SMAD2: variants seen among roughly 807,000 people sequenced by gnomAD.
SMAD2 encodes the protein MAD homolog 2.
Under a neutral mutation model 64.4 loss-of-function variants are expected in SMAD2, and 8 were observed. The observed-to-expected ratio is 0.12, with a 90% CI of 0.07 to 0.22. SMAD2 has a LOEUF of 0.22. Ranked by LOEUF, SMAD2 falls within the 10% of genes least tolerant of loss-of-function variation. SMAD2 has a pLI of 1.00. For missense variants in SMAD2, 289 were observed against 561.2 expected (o/e 0.51, Z 4.90); for synonymous variants, 203 against 195.8 (o/e 1.04, Z -0.31).
At chr18:47,929,196 T>C (rs142500639) in intron 1 of SMAD2, among the ~76,000 whole-genome samples, 2,032 of 152,314 alleles carry the variant, frequency 0.013, 13 homozygotes, top group African/African-American at 0.023. Flanking sequence ...ATTAAAACTG[T>C]TGAAACTCCA....
chr18:47,923,987 G>A (rs970494556), intron 1 of SMAD2, among the ~76,000 whole-genome samples: 2 of 152,288 alleles, frequency 1.3e-5, no homozygotes, highest in East Asian at 1.9e-4. Context: ...AGTGGCTCAC[G>A]CATGTAATCC....
chr18:47,916,930 T>C (rs184516908), intron 1 of SMAD2, among the ~76,000 whole-genome samples: 1 of 152,348 alleles, frequency 6.6e-6, no homozygotes, highest in East Asian at 1.9e-4. Flanking sequence ...CCTCTATCAG[T>C]CTTGGCACTC....
chr18:47,929,864 C>T (rs554083845), intron 1 of SMAD2, among the ~76,000 whole-genome samples: 1 of 152,274 alleles, frequency 6.6e-6, no homozygotes, highest in South Asian at 2.1e-4. Context: ...TAGGCTCCAC[C>T]CGCAGAACAA....
intron 1 of SMAD2, among the ~76,000 whole-genome samples, chr18:47,900,193 T>C (rs1373244178): frequency 6.6e-6 from 1 of 152,178 alleles, no homozygotes; most frequent in Non-Finnish European, 1.5e-5. Context: ...CAAAATGCCA[T>C]CATTTCAACC....
Position 47,830,218 on chromosome 18 carries a change from A to G in SMAD2, c.*11609T>C, listed in dbSNP as rs904269731. On this transcript the variant is annotated 3_prime_UTR_variant, in exon 11 of 11. Coordinates refer to ENST00000262160, the MANE Select transcript of SMAD2 (RefSeq NM_005901.6). ...ACAGACACTAATAAGTTTTTTTTCAATATAAAAGAGCAACCTAGACATTCC... is the reference window on the plus strand; with the variant it reads ...ACAGACACTAATAAGTTTTTTTTCAGTATAAAAGAGCAACCTAGACATTCC... The G allele has an allele frequency of 6.6e-6, 1 of 152,150 alleles. No homozygotes were observed. The highest frequency in any genetic ancestry group is 1.9e-4 in the East Asian group (1 of 5,196). 9.4% of individuals were successfully genotyped at this position (152,150 alleles called of 1,614,324 possible).
intron 10 of SMAD2, among the ~76,000 whole-genome samples, chr18:47,843,193 A>C (rs1914140546): frequency 6.6e-6 from 1 of 152,226 alleles, no homozygotes; most frequent in South Asian, 2.1e-4. Flanking sequence ...GTGCCAGGAA[A>C]GAAGCATCCC....
In SMAD2 at chr18:47,819,001, A is replaced by G. The variant is rs1189294988; in HGVS notation, c.*22826T>C. The G allele has an allele frequency of 6.6e-6, 1 of 152,262 alleles. No individual in the cohort carries two copies. Among genetic ancestry groups the G allele is most frequent in the African/African-American group, 2.4e-5 (1 of 41,468 alleles). 9.4% of individuals were successfully genotyped at this position (152,262 alleles called of 1,614,324 possible). A position where few individuals can be genotyped will look rare whatever the true frequency, so the allele number is the denominator to read the frequency against. On this transcript the variant is annotated 3_prime_UTR_variant, in exon 11 of 11. Transcript: ENST00000262160. ...TGTATGTTTAGGTGTGTTTACACATATGTATATATATGTTGTATGTTGTGT... is the reference window on the plus strand; with the variant it reads ...TGTATGTTTAGGTGTGTTTACACATGTGTATATATATGTTGTATGTTGTGT...
At position 47,820,197 on chromosome 18, in the gene SMAD2, CTAT is replaced by C. The variant is rs1444274987; in HGVS notation, c.*21627_*21629del. ...ATAGAAAGACTAAATATATTTGGGC[CTAT>C]TAATATACAAAGTTATAAGGAAACA... On this transcript the variant is annotated 3_prime_UTR_variant, in exon 11 of 11. Transcript: ENST00000262160. The C allele has an allele frequency of 6.6e-6, 1 of 151,644 alleles. No homozygotes were observed. The highest frequency in any genetic ancestry group is 6.6e-5 in the Admixed American group (1 of 15,224). The allele number at this position is 151,644 out of a possible 1,614,324, so 9.4% of individuals were successfully genotyped here. A position where few individuals can be genotyped will look rare whatever the true frequency, so the allele number is the denominator to read the frequency against.
intron 3 of SMAD2, among the ~76,000 whole-genome samples, 180 bp downstream of exon 3, chr18:47,870,292 ACAT>A (rs954199449): frequency 6.6e-6 from 1 of 152,206 alleles, no homozygotes; most frequent in African/African-American, 2.4e-5. Flanking sequence ...ATTGATTAAA[ACAT>A]CAGCTGAAAC....
chr18:47,872,379 T>A (rs1265098618), intron 2 of SMAD2, among the ~76,000 whole-genome samples: 1 of 151,872 alleles, frequency 6.6e-6, no homozygotes, highest in Non-Finnish European at 1.5e-5. Context: ...CAACCGTGGA[T>A]CAAAAAGTAG....
At chr18:47,912,914 C>T (rs1173338503) in intron 1 of SMAD2, among the ~76,000 whole-genome samples, 7 of 113,070 alleles carry the variant, frequency 6.2e-5, no homozygotes, top group Non-Finnish European at 1.1e-4. Context: ...TGAGAGTAAA[C>T]AGTTTCTGTA....
intron 7 of SMAD2, 107 bp from the exon 8 acceptor site, chr18:47,848,794 C>A (rs750067005): frequency 1.7e-5 from 13 of 784,528 alleles, no homozygotes; most frequent in Non-Finnish European, 2.3e-5. Context: ...TGCCAGCCTG[C>A]ACTGGCAAAA....
At chr18:47,875,793 T>A (rs1229202801) in intron 2 of SMAD2, among the ~76,000 whole-genome samples, 1 of 152,146 alleles carries the variant, frequency 6.6e-6, no homozygotes, top group Non-Finnish European at 1.5e-5. Context: ...AGCTACTTTA[T>A]ATCAAGCACT....
In SMAD2 at chr18:47,848,675, A is replaced by G. The variant is rs747142122; in HGVS notation, c.797T>C (p.Val266Ala). The G allele has an allele frequency of 3.1e-6, 5 of 1,611,214 alleles. No individual in the cohort carries two copies. The highest frequency in any genetic ancestry group is 4.2e-6 in the Non-Finnish European group (5 of 1,177,724). Reference sequence around the variant, plus strand: ...CCAAAATGCAGGTTCTGAGTAAGTAACTGGCTGTAAATCTGAAAAAGAAAA... The same window carrying G: ...CCAAAATGCAGGTTCTGAGTAAGTAGCTGGCTGTAAATCTGAAAAAGAAAA... ...PVNHSLDLQP[V>A]TYSEPAFWCS... Residue 266 changes from valine to alanine, a missense_variant, in exon 8 of 11, where the codon GTT (valine) becomes GCT (alanine). By Grantham distance (64) the Val-to-Ala change is moderately conservative (BLOSUM62 0). Around this residue, in one of 6 missense-constraint regions of SMAD2, gnomAD observed 119 missense variants for 156.7 expected, o/e 0.76. Coordinates refer to ENST00000262160, the MANE Select transcript of SMAD2 (RefSeq NM_005901.6).
Position 47,832,863 on chromosome 18 carries a change from G to C in SMAD2, c.*8964C>G, listed in dbSNP as rs756537841. On this transcript the variant is annotated 3_prime_UTR_variant, in exon 11 of 11. Transcript: ENST00000262160. Reference sequence around the variant, plus strand: ...CAGTGTGTGGTGTGCGCCTGTTGTGGGGTTATATTAAGTAGTATAAATTTA... The same window carrying C: ...CAGTGTGTGGTGTGCGCCTGTTGTGCGGTTATATTAAGTAGTATAAATTTA... The C allele has an allele frequency of 6.5e-6, 1 of 153,630 alleles. No individual in the cohort carries two copies. Among genetic ancestry groups the C allele is most frequent in the African/African-American group, 2.4e-5 (1 of 41,378 alleles). 9.5% of individuals were successfully genotyped at this position (153,630 alleles called of 1,614,324 possible). A position where few individuals can be genotyped will look rare whatever the true frequency, so the allele number is the denominator to read the frequency against.
At chr18:47,865,198 AC>A (rs2144362602) in intron 5 of SMAD2, 65 bp from the exon 6 acceptor site, 1 of 822,250 alleles carries the variant, frequency 1.2e-6, no homozygotes, top group African/African-American at 1.7e-5. Context: ...TCTCTCAGCT[AC>A]CAGAGATAAC....
At chr18:47,909,250 C>T (rs764186964) in intron 1 of SMAD2, among the ~76,000 whole-genome samples, 2 of 152,158 alleles carry the variant, frequency 1.3e-5, no homozygotes, top group African/African-American at 4.8e-5. Flanking sequence ...TGAGAAAAAG[C>T]GGAGTCATTA....
intron 2 of SMAD2, among the ~76,000 whole-genome samples, chr18:47,880,378 T>C (rs1787196): frequency 0.5 from 75,411 of 152,110 alleles, 19,898 homozygotes; most frequent in East Asian, 0.81. Context: ...CCAGCACCAT[T>C]TGTTGAAAGA....
rs1598726692 is a variant in SMAD2, at chr18:47,830,112, T to G, written c.*11715A>C. Reference sequence around the variant, plus strand: ...GAATATGTGTTTGTGATTGACGATGTACATTTTTAAATGTGGTGATAACAC... The same window carrying G: ...GAATATGTGTTTGTGATTGACGATGGACATTTTTAAATGTGGTGATAACAC... On this transcript the variant is annotated 3_prime_UTR_variant, in exon 11 of 11. Coordinates refer to ENST00000262160, the MANE Select transcript of SMAD2 (RefSeq NM_005901.6). 6.6e-6 allele frequency: 1 copy of G among 152,274 alleles called. No individual in the cohort carries two copies. The highest frequency in any genetic ancestry group is 1.9e-4 in the East Asian group (1 of 5,206). 9.4% of individuals were successfully genotyped at this position (152,274 alleles called of 1,614,324 possible).
Sources: gnomAD v4.1 joint callset for allele counts (sites outside exome capture counted in the v4.1 genomes callset) on GRCh38, gnomAD v4.1.1 for gene constraint, gnomAD v4.1.1 regional missense constraint, MANE v1.5 for transcripts, NCBI Gene and HGNC (gene_info 2026-07-23, HGNC 2026-07-21) for gene names.